The following ARMC9 variants were observed in gnomAD, a reference collection of about 807,000 sequenced individuals.
The protein encoded by ARMC9 is lisH domain-containing protein ARMC9.
A neutral mutation model predicts 107.0 loss-of-function variants in ARMC9; 94 were observed. The observed-to-expected ratio is 0.88, with a 90% CI of 0.74 to 1.04. ARMC9 has a LOEUF of 1.04. ARMC9 is among the 50% of genes least tolerant of loss of function. ARMC9 has a pLI of 0.00. For synonymous variants in ARMC9, 380 were observed against 396.9 expected (o/e 0.96, Z 0.51); for missense variants, 942 against 1,030.1 (o/e 0.91, Z 1.17).
chr2:231,361,365 C>A (rs919876181), intron 23 of ARMC9, among the ~76,000 whole-genome samples: 5 of 148,674 alleles, frequency 3.4e-5, no homozygotes, highest in Non-Finnish European at 7.4e-5. Flanking sequence ...CTTTGGGAGG[C>A]TGAGGCAGGA....
chr2:231,374,337 C>T lies in ARMC9; in HGVS notation c.*2802C>T, dbSNP rs368784908. 60 of 152,314 alleles carry T rather than the reference C, an allele frequency of 3.9e-4. No individual in the cohort carries two copies. The highest frequency in any genetic ancestry group is 1.3e-3 in the African/African-American group (55 of 41,562). The allele number at this position is 152,314 out of a possible 1,614,324, so 9.4% of individuals were successfully genotyped here. The stretch of plus-strand genomic sequence containing the variant: ...CTCTGCCCTGGAGGCTGAGCCGCCC[C>T]TCTGGTTACCTCACATCTTCTGGTT... On this transcript the variant is annotated 3_prime_UTR_variant, in exon 25 of 25. Transcript: ENST00000611582.
At chr2:231,203,559 C>T (rs137875366) in intron 1 of ARMC9, among the ~76,000 whole-genome samples, 74 of 152,244 alleles carry the variant, frequency 4.9e-4, no homozygotes, top group African/African-American at 1.5e-3. Flanking sequence ...CATCAGCAGC[C>T]GGGCGTGGTG....
At chr2:231,361,242 G>A (rs2045565414) in intron 23 of ARMC9, among the ~76,000 whole-genome samples, 1 of 152,080 alleles carries the variant, frequency 6.6e-6, no homozygotes, top group East Asian at 1.9e-4. Context: ...TGGGCTGTAG[G>A]GCAGAAAGAT....
At chr2:231,270,578 C>G (rs746504112) in intron 12 of ARMC9, 6 of 471,472 alleles carry the variant, frequency 1.3e-5, no homozygotes, top group African/African-American at 1.0e-4. Flanking sequence ...GTGCTGTTCT[C>G]TCTGTCCTTG....
chr2:231,349,160 G>T (rs1241730465), intron 21 of ARMC9, among the ~76,000 whole-genome samples: 2 of 152,144 alleles, frequency 1.3e-5, no homozygotes, highest in African/African-American at 4.8e-5. Flanking sequence ...CGTTCACAGG[G>T]GCCAAGATTT....
chr2:231,356,190 T>C (rs892590129), intron 22 of ARMC9, among the ~76,000 whole-genome samples: 3 of 152,160 alleles, frequency 2.0e-5, no homozygotes, highest in African/African-American at 4.8e-5. Context: ...TTCTGACTGG[T>C]GAAAGCCGGC....
At chr2:231,216,617 A>G (rs761869067) in intron 4 of ARMC9, 21 bp from the exon 5 acceptor site, 1 of 1,610,510 alleles carries the variant, frequency 6.2e-7, no homozygotes, top group South Asian at 1.1e-5. Flanking sequence ...GACCTCAAAC[A>G]AGTGTTTTCC....
intron 7 of ARMC9, among the ~76,000 whole-genome samples, chr2:231,232,559 C>CT (rs1290417556): frequency 6.6e-6 from 1 of 151,422 alleles, no homozygotes; most frequent in Non-Finnish European, 1.5e-5. Context: ...TCAAGCGATT[C>CT]TCCTGTGTCA....
At chr2:231,273,658 G>A (rs59823376) in intron 14 of ARMC9, among the ~76,000 whole-genome samples, 34,911 of 151,944 alleles carry the variant, frequency 0.23, 4,104 homozygotes, top group Non-Finnish European at 0.24. Flanking sequence ...CAGGTGATCC[G>A]CCCACCTCAG....
At chr2:231,226,831 C>G (rs2034692169) in intron 7 of ARMC9, 33 bp downstream of exon 7, 1 of 1,604,082 alleles carries the variant, frequency 6.2e-7, no homozygotes, top group South Asian at 1.1e-5. Context: ...TGTCTAAGAA[C>G]AACTTTGCCA....
chr2:231,342,389 T>C (rs2044569991), intron 20 of ARMC9, among the ~76,000 whole-genome samples: 1 of 152,224 alleles, frequency 6.6e-6, no homozygotes, highest in Non-Finnish European at 1.5e-5. Flanking sequence ...TATTCTCGAA[T>C]ACGTGACATG....
intron 16 of ARMC9, among the ~76,000 whole-genome samples, chr2:231,280,280 C>G (rs1258526106): frequency 6.6e-6 from 1 of 152,072 alleles, no homozygotes; most frequent in Non-Finnish European, 1.5e-5. Context: ...CATGGTGAAA[C>G]CCCTTCTCTC....
intron 17 of ARMC9, among the ~76,000 whole-genome samples, chr2:231,286,059 C>T (rs879896123): frequency 1.2e-4 from 19 of 152,250 alleles, no homozygotes; most frequent in Non-Finnish European, 2.6e-4. Context: ...TGATCGTGCA[C>T]GGTGCTAGGG....
At chr2:231,359,082 GTTTTTTTTTT>G (rs555726953) in intron 22 of ARMC9, among the ~76,000 whole-genome samples, 6 of 117,862 alleles carry the variant, frequency 5.1e-5, no homozygotes, top group Non-Finnish European at 1.0e-4. Context: ...GGGGTCTCCT[GTTTTTTTTTT>G]TTTTTTTTTT....
chr2:231,217,343 G>T (rs1269358199), intron 5 of ARMC9, among the ~76,000 whole-genome samples: 1 of 152,174 alleles, frequency 6.6e-6, no homozygotes, highest in Admixed American at 6.5e-5. Flanking sequence ...CAGCACTTTG[G>T]GAGGCCGAGG....
chr2:231,332,713 T>C (rs2043825916), intron 20 of ARMC9, among the ~76,000 whole-genome samples: 1 of 152,020 alleles, frequency 6.6e-6, no homozygotes, highest in Non-Finnish European at 1.5e-5. Context: ...TAGGGGGGCC[T>C]GGTGGGATGC....
At chr2:231,327,538 C>T (rs2043409436) in intron 19 of ARMC9, among the ~76,000 whole-genome samples, 1 of 152,126 alleles carries the variant, frequency 6.6e-6, no homozygotes, top group African/African-American at 2.4e-5. Context: ...GAGTAGTATT[C>T]TGTGGTGTGT....
intron 1 of ARMC9, among the ~76,000 whole-genome samples, chr2:231,202,062 C>T (rs530999091): frequency 3.3e-5 from 5 of 150,960 alleles, no homozygotes; most frequent in African/African-American, 7.3e-5. Flanking sequence ...TGCAATGGCA[C>T]GATCTCGGCT....
intron 10 of ARMC9, 35 bp from the exon 11 acceptor site, chr2:231,258,956 C>G (rs1368032718): frequency 6.4e-7 from 1 of 1,568,604 alleles, no homozygotes; most frequent in Admixed American, 1.7e-5. Flanking sequence ...CCCTTTTGCC[C>G]TTTTCTTTCT....
Sources: allele counts gnomAD v4.1 joint callset (sites outside exome capture counted in the v4.1 genomes callset), GRCh38; gene constraint gnomAD v4.1.1; transcripts MANE v1.5; gene names NCBI Gene and HGNC (gene_info 2026-07-23, HGNC 2026-07-21).